GRB14: variants seen among roughly 807,000 people sequenced by gnomAD.
GRB14 encodes growth factor receptor bound protein 14, also known as growth factor receptor-bound protein 14.
Under a neutral mutation model 69.1 loss-of-function variants are expected in GRB14, and 38 were observed. The ratio of observed to expected loss-of-function variants is 0.55; its 90% CI spans 0.42 to 0.72. The LOEUF is 0.72. Among genes scored for constraint, GRB14 ranks in the 30% least tolerant of loss-of-function variants. GRB14 has a pLI of 0.00. For missense variants in GRB14, 666 were observed against 666.1 expected (o/e 1.00, Z 0.00); for synonymous variants, 247 against 241.3 (o/e 1.02, Z -0.22).
chr2:164,536,215 C>T (rs1326479773), intron 3 of GRB14, among the ~76,000 whole-genome samples: 1 of 152,086 alleles, frequency 6.6e-6, no homozygotes. Context: ...TTGTCTTAGA[C>T]CCTGGGTTAC....
At chr2:164,542,935 A>G (rs1688276436) in intron 3 of GRB14, among the ~76,000 whole-genome samples, 1 of 152,196 alleles carries the variant, frequency 6.6e-6, no homozygotes, top group Non-Finnish European at 1.5e-5. Context: ...TCTTACATTC[A>G]TTGCAGCACT....
chr2:164,604,640 TA>T (rs900332670), intron 2 of GRB14, among the ~76,000 whole-genome samples: 138 of 143,604 alleles, frequency 9.6e-4, no homozygotes, highest in Middle Eastern at 3.6e-3. Context: ...TCTTCTTTCT[TA>T]AAAAAAAAAA....
In GRB14 at chr2:164,583,460, A is replaced by ATC. The variant is rs1689461975; in HGVS notation, c.325-35645_325-35644insGA. 2.0e-5 allele frequency among the ~76,000 whole-genome samples: 3 copies of ATC among 152,248 alleles called. No individual in the cohort carries two copies. The East Asian group carries it at 5.8e-4, about 29-fold the overall frequency. ...ACATATTAATGTCCTGTGACGTAGAAGATCTATGTAGAATTAAAAAACATG... is the reference window on the plus strand; with the variant it reads ...ACATATTAATGTCCTGTGACGTAGAATCGATCTATGTAGAATTAAAAAACATG... On this transcript the variant is annotated intron_variant, in intron 2 of 13. Coordinates refer to ENST00000263915, the MANE Select transcript of GRB14 (RefSeq NM_004490.3).
intron 8 of GRB14, among the ~76,000 whole-genome samples, chr2:164,508,184 G>T (rs934840554): frequency 6.6e-6 from 1 of 152,138 alleles, no homozygotes; most frequent in Non-Finnish European, 1.5e-5. Flanking sequence ...AGTTACACTG[G>T]CTATGTAATA....
chr2:164,557,433 G>T (rs1377172049), intron 2 of GRB14, among the ~76,000 whole-genome samples: 1 of 152,130 alleles, frequency 6.6e-6, no homozygotes. Context: ...AAAATTAAAT[G>T]TTATTTAATA....
chr2:164,536,305 G>A lies in GRB14; in HGVS notation c.482-9170C>T, dbSNP rs531917269. On this transcript the variant is annotated intron_variant, in intron 3 of 13. Coordinates refer to ENST00000263915, the MANE Select transcript of GRB14 (RefSeq NM_004490.3). ...TAATTTGATCACTGTTAAGATAGTT[G>A]TAGAAACTGTTACAGCAGCAAAGAA... is the stretch of plus-strand genomic sequence containing the variant. 7.2e-4 allele frequency among the ~76,000 whole-genome samples: 110 copies of A among 152,310 alleles called. 1 individual carries two copies. The highest frequency in any genetic ancestry group is 1.4e-3 in the Non-Finnish European group (92 of 68,028).
At chr2:164,555,930 TTAATAGATAGGCAATGTAC>T (rs72118899) in intron 2 of GRB14, among the ~76,000 whole-genome samples, 2,978 of 152,026 alleles carry the variant, frequency 0.02, 76 homozygotes, top group African/African-American at 0.067. Flanking sequence ...TTTATTATTT[TTAATAGATAGGCAATGTAC>T]TAATAGATAG....
chr2:164,583,841 G>A lies in GRB14; in HGVS notation c.324+35846C>T, dbSNP rs148144497. ...GACTGTAAACATTGCGGAAAAGTTC[G>A]ATGAAATTGGACTTTTCTTACTTGA... On this transcript the variant is annotated intron_variant, in intron 2 of 13. Coordinates refer to ENST00000263915, the MANE Select transcript of GRB14 (RefSeq NM_004490.3). Among the ~76,000 whole-genome samples, 38 of 152,202 alleles carry A rather than the reference G, an allele frequency of 2.5e-4. No individual in the cohort carries two copies. In the East Asian group the frequency reaches 2.5e-3, roughly 10 times the overall value.
chr2:164,523,052 CAG>C (rs1471216700), intron 5 of GRB14, among the ~76,000 whole-genome samples: 1 of 151,956 alleles, frequency 6.6e-6, no homozygotes, highest in South Asian at 2.1e-4. Context: ...ATGAGACAGA[CAG>C]AGAGAGACAG....
chr2:164,514,280 C>T (rs1481086229), intron 6 of GRB14, among the ~76,000 whole-genome samples: 1 of 152,186 alleles, frequency 6.6e-6, no homozygotes, highest in Non-Finnish European at 1.5e-5. Context: ...CCAAGAACCA[C>T]CACAGGAACA....
intron 2 of GRB14, among the ~76,000 whole-genome samples, chr2:164,609,893 C>T (rs565302777): frequency 1.3e-5 from 2 of 152,270 alleles, no homozygotes; most frequent in East Asian, 3.9e-4. Context: ...GGTCAAAATC[C>T]TCATTTCCAC....
intron 8 of GRB14, 44 bp from the exon 9 acceptor site, chr2:164,502,379 C>G: frequency 1.0e-6 from 1 of 980,742 alleles, no homozygotes; most frequent in Non-Finnish European, 1.6e-6. Context: ...ACTTTTACTA[C>G]TCTGATAATC....
chr2:164,548,858 A>C (rs1410455565), intron 2 of GRB14, among the ~76,000 whole-genome samples: 3 of 151,896 alleles, frequency 2.0e-5, no homozygotes, highest in Non-Finnish European at 4.4e-5. Context: ...TTTTATGTCT[A>C]TTCAGGCCCT....
rs940829091 is a variant in GRB14, at chr2:164,502,259, G to C, written c.1100C>G (p.Pro367Arg). ...GCTCAAAAATTTGGTCCTTACCATA[G>C]GTGATATGCTCTGTGAACTGCAGCC... ...RSGCSSQSISPMRSISENSLV... is the reference protein window; with the variant it reads ...RSGCSSQSISRMRSISENSLV... Residue 367 changes from proline (P) to arginine (R), a missense_variant, in exon 9 of 14, where the codon CCT becomes CGT. By Grantham distance (103) the Pro-to-Arg change is moderately radical. Coordinates refer to ENST00000263915, the MANE Select transcript of GRB14 (RefSeq NM_004490.3). 6.3e-7 allele frequency: 1 copy of C among 1,583,424 alleles called. No homozygotes were observed. Among genetic ancestry groups the C allele is most frequent in the Non-Finnish European group, 8.7e-7 (1 of 1,153,564 alleles).
chr2:164,556,363 T>C (rs1019354407), intron 2 of GRB14, among the ~76,000 whole-genome samples: 3 of 152,190 alleles, frequency 2.0e-5, no homozygotes, highest in African/African-American at 4.8e-5. Context: ...TTGCGAGGGA[T>C]AGTCAAAAAC....
At chr2:164,606,234 G>A (rs1690037823) in intron 2 of GRB14, among the ~76,000 whole-genome samples, 1 of 152,014 alleles carries the variant, frequency 6.6e-6, no homozygotes. Flanking sequence ...GAGAAATATG[G>A]AGGAGGTCCA....
intron 2 of GRB14, among the ~76,000 whole-genome samples, chr2:164,586,034 G>A (rs752870186): frequency 6.6e-6 from 1 of 152,158 alleles, no homozygotes; most frequent in African/African-American, 2.4e-5. Context: ...ACACATAAGA[G>A]ATGCACACAA....
intron 2 of GRB14, among the ~76,000 whole-genome samples, chr2:164,561,419 A>G (rs943013637): frequency 1.3e-5 from 2 of 152,186 alleles, no homozygotes; most frequent in African/African-American, 4.8e-5. Context: ...GTTGAGCTCT[A>G]AGAAACTCTG....
intron 2 of GRB14, among the ~76,000 whole-genome samples, chr2:164,550,591 G>T (rs1344411886): frequency 6.6e-6 from 1 of 152,004 alleles, no homozygotes; most frequent in Non-Finnish European, 1.5e-5. Flanking sequence ...GTATTAAATG[G>T]TCTATTCCTT....
Sources: allele counts gnomAD v4.1 joint callset (sites outside exome capture counted in the v4.1 genomes callset), GRCh38; gene constraint gnomAD v4.1.1; transcripts MANE v1.5; gene names NCBI Gene and HGNC (gene_info 2026-07-23, HGNC 2026-07-21).